The following NUDT19 variants were observed in gnomAD, a reference collection of about 807,000 sequenced individuals.
NUDT19 encodes acyl-coenzyme A diphosphatase NUDT19.
NUDT19 carries 31 observed loss-of-function variants against 22.2 expected under a neutral mutation model. The ratio of observed to expected loss-of-function variants is 1.40; its 90% CI spans 1.05 to 1.89. The LOEUF (loss-of-function observed/expected upper bound fraction) is 1.89, where lower values mean the gene tolerates loss of function less well. Ranked by LOEUF, NUDT19 falls within the 40% of genes most tolerant of loss-of-function variation. NUDT19 has a pLI of 0.00. For missense variants in NUDT19, 752 were observed against 514.2 expected (o/e 1.46, Z -4.47); for synonymous variants, 325 against 230.8 (o/e 1.41, Z -3.70).
chr19:32,693,751 C>T (rs560429961), intron 1 of NUDT19, among the ~76,000 whole-genome samples: 19 of 152,104 alleles, frequency 1.2e-4, no homozygotes, highest in Non-Finnish European at 2.5e-4. Context: ...CTGATTGGTG[C>T]GTTTTTACAG....
chr19:32,692,043 A>C lies in NUDT19; in HGVS notation c.83A>C (p.Glu28Ala). Residue 28 changes from glutamate (E) to alanine (A), a missense_variant, in exon 1 of 3, where the codon GAG becomes GCG. Transcript: ENST00000397061. Reference protein sequence around the residue: ...IVLAAGWSRPETATPPSRPPP... With the variant: ...IVLAAGWSRPATATPPSRPPP... ...CTGGCGGCTGGCTGGTCGCGCCCGG[A>C]GACCGCCACCCCGCCGTCGCGCCCG... 1 of 1,276,296 alleles carries C rather than the reference A, an allele frequency of 7.8e-7. No individual in the cohort carries two copies. Among genetic ancestry groups the C allele is most frequent in the Non-Finnish European group, 9.8e-7 (1 of 1,016,702 alleles). 79.1% of individuals were successfully genotyped at this position (1,276,296 alleles called of 1,614,324 possible). A position where few individuals can be genotyped will look rare whatever the true frequency, so the allele number is the denominator to read the frequency against.
chr19:32,703,096 G>T (rs1968352180), intron 1 of NUDT19, among the ~76,000 whole-genome samples: 1 of 152,116 alleles, frequency 6.6e-6, no homozygotes, highest in African/African-American at 2.4e-5. Context: ...CCACCTCCTG[G>T]GTTCAAGTGA....
chr19:32,699,160 A>C (rs7255522), intron 1 of NUDT19, among the ~76,000 whole-genome samples: 3,476 of 152,250 alleles, frequency 0.023, 135 homozygotes, highest in African/African-American at 0.08. Context: ...CCGGGTGTCT[A>C]AAGAAGGTAA....
chr19:32,707,172 G>T (rs188182100), intron 1 of NUDT19, among the ~76,000 whole-genome samples: 1 of 152,214 alleles, frequency 6.6e-6, no homozygotes, highest in Admixed American at 6.5e-5. Flanking sequence ...ACCTGAACAG[G>T]TTGGATTAAG....
At chr19:32,693,340 G>T (rs1000537144) in intron 1 of NUDT19, among the ~76,000 whole-genome samples, 1 of 152,104 alleles carries the variant, frequency 6.6e-6, no homozygotes, top group African/African-American at 2.4e-5. Context: ...AAGGTGGTGC[G>T]TCAGGAGTTG....
Position 32,712,628 on chromosome 19 carries a change from T to A in NUDT19, c.*671T>A, listed in dbSNP as rs1051858328. 3 of 152,104 alleles carry A rather than the reference T, an allele frequency of 2.0e-5. No individual in the cohort carries two copies. Among genetic ancestry groups the A allele is most frequent in the African/African-American group, 7.2e-5 (3 of 41,394 alleles). The allele number at this position is 152,104 out of a possible 1,614,324, so 9.4% of individuals were successfully genotyped here. On this transcript the variant is annotated 3_prime_UTR_variant, in exon 3 of 3. Transcript: ENST00000397061. ...GGCTGGTCTCGATCTCCTGACCTCA[T>A]GATCTGCCCGCCTTGGCCTCCCAAA...
chr19:32,694,858 T>G (rs1418340509), intron 1 of NUDT19, among the ~76,000 whole-genome samples: 1 of 152,232 alleles, frequency 6.6e-6, no homozygotes, highest in Non-Finnish European at 1.5e-5. Context: ...GACCAATTAT[T>G]AGGCAATTTT....
In NUDT19 at chr19:32,692,638, C is replaced by G. The variant is rs370062631; in HGVS notation, c.678C>G (p.Pro226=). 2.6e-6 allele frequency: 4 copies of G among 1,526,888 alleles called. No homozygotes were observed. Among genetic ancestry groups the G allele is most frequent in the African/African-American group, 1.4e-5 (1 of 70,494 alleles). The allele number at this position is 1,526,888 out of a possible 1,614,324, so 94.6% of individuals were successfully genotyped here. The part of the protein sequence containing the change: ...FFLCCLREPP[P]VYPDLAEVVG... ...TGTGCTGCCTGCGCGAGCCGCCGCC[C>G]GTCTACCCCGACTTGGCGGAGGTGG... The change falls in exon 1 of 3, where the codon CCC becomes CCG. Residue 226 remains proline (P), a synonymous_variant. Transcript: ENST00000397061.
chr19:32,702,875 G>A (rs1025104886), intron 1 of NUDT19, among the ~76,000 whole-genome samples: 16 of 151,652 alleles, frequency 1.1e-4, no homozygotes, highest in African/African-American at 3.4e-4. Context: ...TTTTCATTTC[G>A]TTTATAGAGT....
chr19:32,708,284 G>T (rs1334209242), intron 1 of NUDT19, among the ~76,000 whole-genome samples: 1 of 151,392 alleles, frequency 6.6e-6, no homozygotes, highest in Non-Finnish European at 1.5e-5. Context: ...AAAATTAGCC[G>T]GGTGTGGTGG....
At chr19:32,707,570 C>T (rs375679108) in intron 1 of NUDT19, among the ~76,000 whole-genome samples, 6 of 152,240 alleles carry the variant, frequency 3.9e-5, no homozygotes, top group Admixed American at 2.6e-4. Context: ...TATGGCCAGG[C>T]GCGGTGGCTC....
chr19:32,698,955 C>T (rs1340789270), intron 1 of NUDT19, among the ~76,000 whole-genome samples: 1 of 152,092 alleles, frequency 6.6e-6, no homozygotes, highest in Non-Finnish European at 1.5e-5. Context: ...GAAGGGATCT[C>T]CAGAGTTGGA....
chr19:32,709,942 C>T (rs974593787), intron 2 of NUDT19, among the ~76,000 whole-genome samples: 3 of 151,774 alleles, frequency 2.0e-5, no homozygotes, highest in African/African-American at 7.3e-5. Flanking sequence ...CATGAGCCAC[C>T]ATGCCTGGCT....
chr19:32,693,616 T>C (rs1299507084), intron 1 of NUDT19, among the ~76,000 whole-genome samples: 2 of 149,664 alleles, frequency 1.3e-5, no homozygotes, highest in African/African-American at 2.4e-5. Context: ...GAGTGCTGAT[T>C]GGTCCATTTT....
chr19:32,710,420 C>CAAAAAAAAAAAAAAAAAAAA (rs34357522), intron 2 of NUDT19, among the ~76,000 whole-genome samples: 1 of 107,052 alleles, frequency 9.3e-6, no homozygotes. Context: ...ACTGAAAATA[C>CAAAAAAAAAAAAAAAAAAAA]AAAAAAAAAA....
At chr19:32,708,866 C>T (rs1968415963) in intron 1 of NUDT19, among the ~76,000 whole-genome samples, 2 of 152,160 alleles carry the variant, frequency 1.3e-5, no homozygotes, top group Admixed American at 6.6e-5. Flanking sequence ...TTTCTTCTTT[C>T]AGCAGGGACC....
intron 1 of NUDT19, among the ~76,000 whole-genome samples, chr19:32,703,648 C>CCT (rs1968357798): frequency 1.5e-5 from 1 of 68,344 alleles, no homozygotes; most frequent in Non-Finnish European, 2.7e-5. Flanking sequence ...TGTGCCCAGC[C>CCT]TTTTTTTTTT....
chr19:32,707,627 G>C (rs973224743), intron 1 of NUDT19, among the ~76,000 whole-genome samples: 1 of 150,300 alleles, frequency 6.7e-6, no homozygotes, highest in South Asian at 2.1e-4. Context: ...GGTGGATCAC[G>C]AGGTCAGGAT....
intron 1 of NUDT19, among the ~76,000 whole-genome samples, chr19:32,693,326 CTTAAA>C (rs1320547824): frequency 6.6e-6 from 1 of 151,944 alleles, no homozygotes; most frequent in Admixed American, 6.6e-5. Context: ...TGTTACAGCT[CTTAAA>C]GGTGGTGCGT....
Sources: allele counts gnomAD v4.1 joint callset (sites outside exome capture counted in the v4.1 genomes callset), GRCh38; gene constraint gnomAD v4.1.1; transcripts MANE v1.5; gene names NCBI Gene and HGNC (gene_info 2026-07-23, HGNC 2026-07-21).